SGCG: variants seen among roughly 807,000 people sequenced by gnomAD.
SGCG encodes the protein gamma-sarcoglycan.
In SGCG, 26 loss-of-function variants were observed where a neutral mutation model predicts 29.3. That is an observed-to-expected ratio of 0.89 (90% CI 0.65 to 1.23). The LOEUF is 1.23. SGCG is among the 50% of genes most tolerant of loss of function. The probability of loss-of-function intolerance (pLI) is 0.00; values close to 1 mark genes in which losing one functional copy is unlikely to be tolerated. For missense variants in SGCG, 353 were observed against 356.0 expected (o/e 0.99, Z 0.07); for synonymous variants, 145 against 129.7 (o/e 1.12, Z -0.80).
chr13:23,212,794 A>G (rs1311056393), intron 2 of SGCG, among the ~76,000 whole-genome samples: 1 of 152,134 alleles, frequency 6.6e-6, no homozygotes, highest in Non-Finnish European at 1.5e-5. Context: ...GGCTCCAGCT[A>G]AGTCCGTGTT....
chr13:23,197,380 C>G (rs996513213), intron 1 of SGCG, among the ~76,000 whole-genome samples: 6 of 152,132 alleles, frequency 3.9e-5, no homozygotes, highest in Non-Finnish European at 7.3e-5. Context: ...GATATTAGAG[C>G]TAGGTGACAT....
intron 5 of SGCG, among the ~76,000 whole-genome samples, chr13:23,294,680 C>T (rs994822564): frequency 1.3e-5 from 2 of 152,182 alleles, no homozygotes; most frequent in Non-Finnish European, 2.9e-5. Context: ...ATAGATTAAA[C>T]GTGTGGGCTC....
At chr13:23,202,853 C>T (rs1877818244) in intron 1 of SGCG, among the ~76,000 whole-genome samples, 2 of 152,188 alleles carry the variant, frequency 1.3e-5, no homozygotes, top group African/African-American at 2.4e-5. Context: ...CTTTTTACTA[C>T]ATTTACAATC....
chr13:23,209,911 A>G (rs549392721), intron 2 of SGCG, among the ~76,000 whole-genome samples: 1 of 152,240 alleles, frequency 6.6e-6, no homozygotes, highest in Non-Finnish European at 1.5e-5. Flanking sequence ...GAAAACTAGT[A>G]CAATGTTACT....
chr13:23,185,763 T>C (rs1876946418), intron 1 of SGCG, among the ~76,000 whole-genome samples: 1 of 152,074 alleles, frequency 6.6e-6, no homozygotes. Flanking sequence ...AACGTTGGAG[T>C]GTGCCTCTCA....
chr13:23,174,505 A>G, the SGCG span, among the ~76,000 whole-genome samples: 2 of 152,228 alleles, frequency 1.3e-5, no homozygotes, highest in Non-Finnish European at 2.9e-5. Flanking sequence ...AGGAAAAAAA[A>G]TGGAATCGAT....
intron 6 of SGCG, among the ~76,000 whole-genome samples, chr13:23,306,253 T>C (rs769311164): frequency 3.3e-5 from 5 of 152,172 alleles, no homozygotes; most frequent in Non-Finnish European, 7.3e-5. Context: ...TGGAATAATT[T>C]GTGGAGTATT....
the SGCG span, among the ~76,000 whole-genome samples, chr13:23,168,125 C>T: frequency 0.036 from 5,480 of 152,182 alleles, 318 homozygotes; most frequent in African/African-American, 0.12. Flanking sequence ...AATCCCTTGT[C>T]AGATGGGTAG....
At position 23,250,055 on chromosome 13, in the gene SGCG, G is replaced by A. The variant is rs556375811; in HGVS notation, c.298-575G>A. ...ATTTTTCTTTCTGTTCTCTGATGTC[G>A]ATTTTATTGTGTATTTTCTAATGTC... is the stretch of plus-strand genomic sequence containing the variant. On this transcript the variant is annotated intron_variant, in intron 3 of 7. Coordinates refer to ENST00000218867, the MANE Select transcript of SGCG (RefSeq NM_000231.3). Among the ~76,000 whole-genome samples, 15 of 152,102 alleles carry A rather than the reference G, an allele frequency of 9.9e-5. No individual in the cohort carries two copies. In the South Asian group the frequency reaches 2.5e-3, roughly 25 times the overall value.
intron 4 of SGCG, among the ~76,000 whole-genome samples, chr13:23,272,862 G>A (rs1880920544): frequency 6.6e-6 from 1 of 152,146 alleles, no homozygotes; most frequent in South Asian, 2.1e-4. Context: ...CTGTGGAACT[G>A]CCTGTTTCAT....
chr13:23,187,895 A>G (rs1189063627), intron 1 of SGCG, among the ~76,000 whole-genome samples: 2 of 152,220 alleles, frequency 1.3e-5, no homozygotes, highest in African/African-American at 4.8e-5. Flanking sequence ...TCTCTGCTGC[A>G]GATGGCATGG....
At chr13:23,300,809 TAAAAAAAAAAAAA>T (rs58050317) in intron 6 of SGCG, among the ~76,000 whole-genome samples, 1 of 122,490 alleles carries the variant, frequency 8.2e-6, no homozygotes, top group Non-Finnish European at 1.6e-5. Flanking sequence ...ACTAGTTTAC[TAAAAAAAAAAAAA>T]AAAAAAAAAA....
chr13:23,171,840 C>G, the SGCG span, among the ~76,000 whole-genome samples: 2 of 152,226 alleles, frequency 1.3e-5, no homozygotes, highest in African/African-American at 4.8e-5. Flanking sequence ...CCACTCATCT[C>G]CTGCTGTGCA....
At chr13:23,291,091 C>T (rs1881689866) in intron 5 of SGCG, among the ~76,000 whole-genome samples, 1 of 152,210 alleles carries the variant, frequency 6.6e-6, no homozygotes, top group Admixed American at 6.5e-5. Flanking sequence ...TTGAGTACTA[C>T]TCCTTCACAG....
At chr13:23,229,826 G>C (rs1879039739) in intron 2 of SGCG, among the ~76,000 whole-genome samples, 1 of 152,136 alleles carries the variant, frequency 6.6e-6, no homozygotes, top group Non-Finnish European at 1.5e-5. Flanking sequence ...TGTTGCAGTT[G>C]ATTTTGCTGT....
chr13:23,173,941 C>A, the SGCG span, among the ~76,000 whole-genome samples: 1 of 152,282 alleles, frequency 6.6e-6, no homozygotes, highest in East Asian at 1.9e-4. Flanking sequence ...TCTGCAGGAA[C>A]TCTTAATGAT....
At chr13:23,318,056 C>G (rs527970475) in intron 6 of SGCG, among the ~76,000 whole-genome samples, 1 of 152,284 alleles carries the variant, frequency 6.6e-6, no homozygotes, top group East Asian at 1.9e-4. Context: ...TTCCTGCCCT[C>G]GAACATTGGA....
At chr13:23,171,226 A>G in the SGCG span, among the ~76,000 whole-genome samples, 1 of 152,204 alleles carries the variant, frequency 6.6e-6, no homozygotes, top group Non-Finnish European at 1.5e-5. Context: ...ATAGCTAACC[A>G]TTTAACATGT....
intron 1 of SGCG, among the ~76,000 whole-genome samples, chr13:23,192,870 G>A (rs554306871): frequency 6.6e-6 from 1 of 152,302 alleles, no homozygotes; most frequent in Non-Finnish European, 1.5e-5. Context: ...ACGTATAACT[G>A]AGCTGTTACT....
Sources: gnomAD v4.1 joint callset for allele counts (sites outside exome capture counted in the v4.1 genomes callset) on GRCh38, gnomAD v4.1.1 for gene constraint, MANE v1.5 for transcripts, NCBI Gene and HGNC (gene_info 2026-07-23, HGNC 2026-07-21) for gene names.